The following GTF3C2 variants were observed in gnomAD, a reference collection of about 807,000 sequenced individuals.
GTF3C2 encodes the protein general transcription factor IIIC subunit 2.
Under a neutral mutation model 117.4 loss-of-function variants are expected in GTF3C2, and 17 were observed. The ratio of observed to expected loss-of-function variants is 0.14; its 90% CI spans 0.10 to 0.22. The LOEUF (loss-of-function observed/expected upper bound fraction) is 0.22. GTF3C2 is among the 10% of genes least tolerant of loss of function. GTF3C2 has a pLI of 1.00. For synonymous variants in GTF3C2, 437 were observed against 427.0 expected (o/e 1.02, Z -0.29); for missense variants, 888 against 1,143.6 (o/e 0.78, Z 3.22).
At chr2:27,335,278 C>A (rs546876045) in intron 10 of GTF3C2, 3 of 515,620 alleles carry the variant, frequency 5.8e-6, no homozygotes, top group African/African-American at 1.9e-5. Flanking sequence ...GGGAGATGGG[C>A]CCTATCTATC....
chr2:27,327,229 T>C, exon 18 of GTF3C2: 2 of 1,611,142 alleles, frequency 1.2e-6, no homozygotes, highest in Non-Finnish European at 1.7e-6. Flanking sequence ...AGAATGCCCC[T>C]CTCCCTCCTG....
chr2:27,337,636 G>A (rs1351154129), intron 5 of GTF3C2, 78 bp from the exon 6 acceptor site: 7 of 984,730 alleles, frequency 7.1e-6, no homozygotes, highest in African/African-American at 6.4e-5. Context: ...CTGTGGGGAT[G>A]GAAATGATCC....
exon 7 of GTF3C2, chr2:27,337,323 G>A (rs1478808041): frequency 6.2e-7 from 1 of 1,612,198 alleles, no homozygotes; most frequent in Non-Finnish European, 8.5e-7. Context: ...TCCTCCTGGG[G>A]CAGGTAGGGA....
intron 1 of GTF3C2, among the ~76,000 whole-genome samples, chr2:27,346,330 C>CTTTTTTTT (rs144256545): frequency 3.1e-5 from 2 of 64,302 alleles, no homozygotes; most frequent in Admixed American, 2.3e-4. Context: ...ATTCTGATAC[C>CTTTTTTTT]TTTTTTTTTT....
At chr2:27,343,466 A>G in exon 2 of GTF3C2, 8 of 1,613,968 alleles carry the variant, frequency 5.0e-6, no homozygotes, top group Non-Finnish European at 6.8e-6. Flanking sequence ...CTGATTTAGC[A>G]CCTCTTGTCC....
Position 27,329,075 on chromosome 2 carries a change from A to G in GTF3C2, c.2039+46T>C. 1 of 1,602,682 alleles carries G rather than the reference A, an allele frequency of 6.2e-7. No individual in the cohort carries two copies. The highest frequency in any genetic ancestry group is 8.5e-7 in the Non-Finnish European group (1 of 1,170,196). On this transcript the variant is annotated intron_variant, in intron 14 of 18. Coordinates refer to ENST00000264720, the Ensembl canonical transcript of GTF3C2. This position sits in a 1 kb window ranked among gnomAD's most constrained non-coding sequence, Gnocchi z 4.5. ...ACAATCTGGCATGCTTTGCATTCCAACCCTTAGGGCCTGTCCCTAGAGGTC... is the reference window on the plus strand; with the variant it reads ...ACAATCTGGCATGCTTTGCATTCCAGCCCTTAGGGCCTGTCCCTAGAGGTC...
chr2:27,328,808 T>G, intron 15 of GTF3C2, 36 bp downstream of exon 15: 1 of 1,482,602 alleles, frequency 6.7e-7, no homozygotes, highest in Non-Finnish European at 9.4e-7. Flanking sequence ...GCCATTTTCC[T>G]TTGTAATGAA....
At chr2:27,337,147 G>T in intron 7 of GTF3C2, 97 bp downstream of exon 7, 2 of 709,932 alleles carry the variant, frequency 2.8e-6, no homozygotes, top group Non-Finnish European at 2.4e-6. Flanking sequence ...ACCAGCATCA[G>T]GGGAAGGACA....
intron 17 of GTF3C2, among the ~76,000 whole-genome samples, 157 bp downstream of exon 17, chr2:27,327,879 TC>T (rs1680139828): frequency 6.6e-6 from 1 of 151,866 alleles, no homozygotes; most frequent in Non-Finnish European, 1.5e-5. Flanking sequence ...GCCCGCCTAA[TC>T]CCCCCAAACT....
At chr2:27,333,941 A>T in intron 11 of GTF3C2, 33 bp downstream of exon 11, 1 of 1,568,856 alleles carries the variant, frequency 6.4e-7, no homozygotes, top group Non-Finnish European at 8.8e-7. Flanking sequence ...AAGAAGATGG[A>T]GCCTCAGCTA....
intron 10 of GTF3C2, chr2:27,335,345 G>GA (rs1437866014): frequency 8.0e-6 from 5 of 622,074 alleles, no homozygotes; most frequent in Admixed American, 2.1e-5. Context: ...GCAAGAGGGG[G>GA]AAAGTCTTGA....
At chr2:27,335,993 G>A in exon 9 of GTF3C2, 4 of 1,613,668 alleles carry the variant, frequency 2.5e-6, no homozygotes, top group Non-Finnish European at 3.4e-6. Flanking sequence ...GTTGTCACAA[G>A]CAATCCCATA....
At chr2:27,342,315 A>C in intron 3 of GTF3C2, 82 bp from the exon 4 acceptor site, 1 of 1,116,944 alleles carries the variant, frequency 9.0e-7, no homozygotes, top group Non-Finnish European at 1.3e-6. Flanking sequence ...TTTTATCTCA[A>C]TGGAGCCTCC....
At position 27,356,030 on chromosome 2, in the gene GTF3C2, G is replaced by A; in HGVS notation, c.-25+709C>T. 3.7e-6 allele frequency: 4 copies of A among 1,085,826 alleles called. No individual in the cohort carries two copies. The South Asian group carries it at 3.9e-5, about 11-fold the overall frequency. The allele number at this position is 1,085,826 out of a possible 1,614,324, so 67.3% of individuals were successfully genotyped here. ...GATAAGAGATTGCAAAAATAGTGAT[G>A]GCACGGGATTGACTTAAAATTGTAT... On this transcript the variant is annotated intron_variant, in intron 1 of 18. Transcript: ENST00000264720.
chr2:27,326,997 G>A, intron 18 of GTF3C2, 104 bp from the exon 19 acceptor site: 2 of 767,510 alleles, frequency 2.6e-6, no homozygotes, highest in Non-Finnish European at 4.3e-6. Flanking sequence ...AATCTGAAAG[G>A]ACAGGACCAT....
chr2:27,327,825 G>A (rs1278816967), intron 17 of GTF3C2, among the ~76,000 whole-genome samples: 1 of 151,780 alleles, frequency 6.6e-6, no homozygotes, highest in Non-Finnish European at 1.5e-5. Context: ...ACGGAGTTTC[G>A]CCATGTTGGC....
chr2:27,327,104 C>CT, intron 18 of GTF3C2, 73 bp downstream of exon 18: 1 of 823,102 alleles, frequency 1.2e-6, no homozygotes, highest in African/African-American at 1.7e-5. Flanking sequence ...ACCTTTTCAT[C>CT]TACCATTTCA....
rs762368250 is a variant in GTF3C2 at position 27,342,868 on chromosome 2, T to G, written c.527A>C (p.Glu176Ala). 3.7e-6 allele frequency: 6 copies of G among 1,614,146 alleles called. No homozygotes were observed. The South Asian group carries it at 6.6e-5, about 18-fold the overall frequency. The change falls in exon 3 of 19, where the codon GAG becomes GCG. Residue 176 changes from glutamate (E) to alanine (A), a missense_variant. By Grantham distance (107) the Glu-to-Ala change is moderately radical. This residue lies in a region of GTF3C2 where 393 missense variants were observed against 401.5 expected (regional missense o/e 0.98). Coordinates refer to ENST00000264720, the Ensembl canonical transcript of GTF3C2. ...GCGGGGTCGTTCCCCAGAAGGGGTCTCAAAGTCCTCAGGGGGCCTCTTTGG... is the reference window on the plus strand; with the variant it reads ...GCGGGGTCGTTCCCCAGAAGGGGTCGCAAAGTCCTCAGGGGGCCTCTTTGG...
intron 1 of GTF3C2, among the ~76,000 whole-genome samples, chr2:27,347,543 T>C (rs1680960509): frequency 6.6e-6 from 1 of 152,044 alleles, no homozygotes; most frequent in Non-Finnish European, 1.5e-5. Context: ...CCATTCAAAA[T>C]TAGTCACAAG....
Sources: allele counts gnomAD v4.1 joint callset (sites outside exome capture counted in the v4.1 genomes callset), GRCh38; gene constraint gnomAD v4.1.1; regional missense constraint gnomAD v4.1.1; non-coding constraint Gnocchi (gnomAD v3.1); transcripts MANE v1.5; gene names NCBI Gene and HGNC (gene_info 2026-07-23, HGNC 2026-07-21).